EYS: variants seen among roughly 807,000 people sequenced by gnomAD.
EYS encodes the protein EGF-like photoreceptor maintenance factor.
A neutral mutation model predicts 282.1 loss-of-function variants in EYS; 250 were observed. The ratio of observed to expected loss-of-function variants is 0.89; its 90% CI spans 0.80 to 0.98. EYS has a LOEUF of 0.98. Among genes scored for constraint, EYS ranks in the 50% least tolerant of loss-of-function variants. The pLI, the probability that EYS is intolerant of heterozygous loss-of-function variation, is 0.00. For synonymous variants in EYS, 1,355 were observed against 1,282.9 expected, an observed-to-expected ratio of 1.06 and a Z score of -1.20; for missense variants, 4,016 against 3,709.0, an observed-to-expected ratio of 1.08 and a Z score of -2.15.
At chr6:64,574,922 A>C (rs1330527367) in intron 26 of EYS, among the ~76,000 whole-genome samples, 1 of 152,180 alleles carries the variant, frequency 6.6e-6, no homozygotes, top group Admixed American at 6.6e-5. Context: ...AGCTGTCAAA[A>C]TGATAAAATA....
chr6:63,779,180 C>G (rs985123306), intron 39 of EYS: 1 of 151,196 alleles, frequency 6.6e-6, no homozygotes, highest in South Asian at 2.1e-4. Flanking sequence ...ACTTCTCGGC[C>G]GGGAACGGTG....
intron 36 of EYS, among the ~76,000 whole-genome samples, chr6:63,843,982 C>T (rs1042450221): frequency 6.6e-6 from 1 of 152,126 alleles, no homozygotes; most frequent in Non-Finnish European, 1.5e-5. Flanking sequence ...CATCCATTAG[C>T]AATTTTTCCT....
At chr6:65,047,346 G>A (rs191338922) in intron 13 of EYS, among the ~76,000 whole-genome samples, 11 of 151,762 alleles carry the variant, frequency 7.2e-5, no homozygotes, top group African/African-American at 1.9e-4. Flanking sequence ...ACCAAAGAAC[G>A]ACAGATTCAT....
chr6:64,040,816 G>T (rs945497369), intron 33 of EYS, among the ~76,000 whole-genome samples: 1 of 152,156 alleles, frequency 6.6e-6, no homozygotes, highest in Non-Finnish European at 1.5e-5. Flanking sequence ...TAGTTTGTCA[G>T]CTCCTTATCC....
intron 29 of EYS, among the ~76,000 whole-genome samples, chr6:64,373,203 A>G (rs1309316430): frequency 1.3e-5 from 2 of 151,904 alleles, no homozygotes; most frequent in African/African-American, 4.8e-5. Flanking sequence ...TGTTCTTTCA[A>G]TCTTTGAAGT....
intron 35 of EYS, among the ~76,000 whole-genome samples, chr6:63,973,074 A>C (rs1245834305): frequency 1.3e-5 from 2 of 152,120 alleles, no homozygotes; most frequent in African/African-American, 4.8e-5. Context: ...TATACCCAGT[A>C]ATAGGATTGC....
At chr6:64,169,015 A>C (rs1764390701) in intron 31 of EYS, among the ~76,000 whole-genome samples, 1 of 152,200 alleles carries the variant, frequency 6.6e-6, no homozygotes, top group African/African-American at 2.4e-5. Context: ...TTCCAGAAAG[A>C]AATTTTTCAA....
chr6:63,774,418 C>T (rs1174828057), intron 40 of EYS, among the ~76,000 whole-genome samples: 2 of 152,130 alleles, frequency 1.3e-5, no homozygotes, highest in Non-Finnish European at 2.9e-5. Context: ...ATCCACCCAT[C>T]TCGGCCTCCC....
At chr6:63,962,014 T>G (rs1766089067) in intron 35 of EYS, among the ~76,000 whole-genome samples, 5 of 152,162 alleles carry the variant, frequency 3.3e-5, no homozygotes, top group Admixed American at 3.3e-4. Context: ...GGGGAAAGGA[T>G]TCCCTATTTA....
At chr6:64,341,667 C>T (rs1334494548) in intron 29 of EYS, among the ~76,000 whole-genome samples, 3 of 151,674 alleles carry the variant, frequency 2.0e-5, no homozygotes, top group Non-Finnish European at 3.0e-5. Context: ...TTTATTGTAA[C>T]TAAAAGCTGA....
At chr6:65,382,707 G>C (rs867581623) in intron 8 of EYS, among the ~76,000 whole-genome samples, 1 of 152,048 alleles carries the variant, frequency 6.6e-6, no homozygotes, top group East Asian at 1.9e-4. Context: ...TCCAATGTTC[G>C]AGAGCAGGAA....
chr6:64,074,257 A>T (rs1771687883), intron 32 of EYS, among the ~76,000 whole-genome samples: 1 of 151,534 alleles, frequency 6.6e-6, no homozygotes, highest in South Asian at 2.1e-4. Context: ...AGATTCCAGT[A>T]TCTAAATGTC....
At chr6:64,689,722 G>A (rs1194459751) in intron 22 of EYS, among the ~76,000 whole-genome samples, 1 of 152,100 alleles carries the variant, frequency 6.6e-6, no homozygotes, top group Non-Finnish European at 1.5e-5. Flanking sequence ...AACAAGCAAT[G>A]GGGAAAGGAT....
At chr6:65,684,079 T>C (rs985275439) in intron 1 of EYS, among the ~76,000 whole-genome samples, 1 of 152,000 alleles carries the variant, frequency 6.6e-6, no homozygotes, top group East Asian at 1.9e-4. Flanking sequence ...TTTATTAAAG[T>C]CATGATACTT....
intron 19 of EYS, among the ~76,000 whole-genome samples, chr6:64,874,745 G>T (rs1181078782): frequency 6.6e-6 from 1 of 152,062 alleles, no homozygotes; most frequent in African/African-American, 2.4e-5. Flanking sequence ...CATAAGTAAA[G>T]CTGGTGATTA....
At chr6:64,820,131 G>A (rs1489652722) in intron 21 of EYS, among the ~76,000 whole-genome samples, 1 of 151,854 alleles carries the variant, frequency 6.6e-6, no homozygotes, top group African/African-American at 2.4e-5. Flanking sequence ...ATACTTTATA[G>A]CTATTAAAAA....
At chr6:64,798,146 A>C (rs1774418329) in intron 22 of EYS, among the ~76,000 whole-genome samples, 2 of 151,904 alleles carry the variant, frequency 1.3e-5, no homozygotes, top group African/African-American at 4.8e-5. Context: ...TCACACCTAC[A>C]TATGCCTGCA....
chr6:65,210,636 A>T, intron 12 of EYS, among the ~76,000 whole-genome samples: 1 of 152,022 alleles, frequency 6.6e-6, no homozygotes. Context: ...ATGGCAAAGA[A>T]AATAAATAAT....
intron 19 of EYS, among the ~76,000 whole-genome samples, chr6:64,856,425 C>T (rs1000650590): frequency 6.6e-6 from 1 of 152,080 alleles, no homozygotes; most frequent in Non-Finnish European, 1.5e-5. Context: ...CTCAGCCTCC[C>T]AAGTAGCTGG....
Sources: allele counts gnomAD v4.1 joint callset (sites outside exome capture counted in the v4.1 genomes callset), GRCh38; gene constraint gnomAD v4.1.1; transcripts MANE v1.5; gene names NCBI Gene and HGNC (gene_info 2026-07-23, HGNC 2026-07-21).